The following HS6ST3 variants were observed in gnomAD, a reference collection of about 807,000 sequenced individuals.
The protein encoded by HS6ST3 is heparan-sulfate 6-O-sulfotransferase 3.
Under a neutral mutation model 36.7 loss-of-function variants are expected in HS6ST3, and 12 were observed. The observed-to-expected ratio is 0.33, with a 90% CI of 0.21 to 0.53. HS6ST3 has a LOEUF of 0.53. Ranked by LOEUF, HS6ST3 falls within the 20% of genes least tolerant of loss-of-function variation. The pLI, the probability that HS6ST3 is intolerant of heterozygous loss-of-function variation, is 0.95. For synonymous variants in HS6ST3, 240 were observed against 257.5 expected (o/e 0.93, Z 0.65); for missense variants, 584 against 640.9 (o/e 0.91, Z 0.96).
At chr13:96,300,991 C>T (rs1324440902) in intron 1 of HS6ST3, among the ~76,000 whole-genome samples, 3 of 152,120 alleles carry the variant, frequency 2.0e-5, no homozygotes, top group African/African-American at 4.8e-5. Context: ...CAATGATTCT[C>T]GTCTGTGATT....
At chr13:96,118,684 ATATATTTTTTT>A (rs2053909557) in intron 1 of HS6ST3, among the ~76,000 whole-genome samples, 1 of 22,302 alleles carries the variant, frequency 4.5e-5, no homozygotes, top group African/African-American at 2.0e-4. Context: ...ATATATATAT[ATATATTTTTTT>A]TTTTTTTTTT....
At chr13:96,321,341 C>G (rs1488848562) in intron 1 of HS6ST3, among the ~76,000 whole-genome samples, 1 of 152,150 alleles carries the variant, frequency 6.6e-6, no homozygotes, top group Non-Finnish European at 1.5e-5. Context: ...TTCTGGTGAT[C>G]TCATGATCTT....
chr13:96,782,192 C>T (rs980093321), intron 1 of HS6ST3, among the ~76,000 whole-genome samples: 2 of 152,132 alleles, frequency 1.3e-5, no homozygotes, highest in African/African-American at 4.8e-5. Flanking sequence ...AGAGGCTGCC[C>T]CCCATTTCCT....
At chr13:96,655,508 C>G (rs1367332034) in intron 1 of HS6ST3, among the ~76,000 whole-genome samples, 2 of 152,016 alleles carry the variant, frequency 1.3e-5, no homozygotes, top group Non-Finnish European at 1.5e-5. Flanking sequence ...TCATTTGTAT[C>G]TATCCTGAAA....
At chr13:96,300,420 G>A (rs1417736133) in intron 1 of HS6ST3, among the ~76,000 whole-genome samples, 6 of 152,102 alleles carry the variant, frequency 3.9e-5, no homozygotes. Context: ...ACAGCAAGGG[G>A]GAAATTCATG....
rs545180830 is a variant in HS6ST3, at chr13:96,417,045, C to T, written c.707+325476C>T. Among the ~76,000 whole-genome samples, 5 of 152,158 alleles carry T rather than the reference C, an allele frequency of 3.3e-5. No homozygotes were observed. The South Asian group carries it at 6.2e-4, about 19-fold the overall frequency. Reference sequence around the variant, plus strand: ...GATTACAGGCGTGAGCCACCGCGCCCGGCCGGCATGGGGTAACTTTTACGC... The same window carrying T: ...GATTACAGGCGTGAGCCACCGCGCCTGGCCGGCATGGGGTAACTTTTACGC... On this transcript the variant is annotated intron_variant, in intron 1 of 1. Transcript: ENST00000376705.
intron 1 of HS6ST3, among the ~76,000 whole-genome samples, chr13:96,323,991 C>T (rs1326874681): frequency 6.6e-6 from 1 of 152,122 alleles, no homozygotes; most frequent in African/African-American, 2.4e-5. Flanking sequence ...TAACCTACCT[C>T]TTCCCACAAA....
chr13:96,643,482 GC>G, intron 1 of HS6ST3, among the ~76,000 whole-genome samples: 1 of 151,870 alleles, frequency 6.6e-6, no homozygotes, highest in Non-Finnish European at 1.5e-5. Flanking sequence ...TTCCTTTTAA[GC>G]TTTTTGTTTA....
intron 1 of HS6ST3, among the ~76,000 whole-genome samples, chr13:96,391,937 A>C (rs1008146242): frequency 1.3e-5 from 2 of 152,232 alleles, no homozygotes; most frequent in East Asian, 3.8e-4. Context: ...GGAATGAAGA[A>C]AGACTGACAT....
chr13:96,537,046 T>C (rs1435875382), intron 1 of HS6ST3, among the ~76,000 whole-genome samples: 2 of 152,216 alleles, frequency 1.3e-5, no homozygotes, highest in East Asian at 1.9e-4. Flanking sequence ...TCTTGCTTCC[T>C]GTATTAGTCT....
chr13:96,695,758 C>A (rs939017649), intron 1 of HS6ST3, among the ~76,000 whole-genome samples: 1 of 151,962 alleles, frequency 6.6e-6, no homozygotes, highest in East Asian at 1.9e-4. Context: ...TTTGATATAG[C>A]AATTTCTCTT....
intron 1 of HS6ST3, among the ~76,000 whole-genome samples, chr13:96,377,324 G>C (rs540802431): frequency 6.6e-6 from 1 of 151,922 alleles, no homozygotes; most frequent in East Asian, 1.9e-4. Flanking sequence ...CTGCACTTCA[G>C]CCTGGGTGAC....
chr13:96,356,091 C>A (rs2055208711), intron 1 of HS6ST3, among the ~76,000 whole-genome samples: 1 of 152,142 alleles, frequency 6.6e-6, no homozygotes, highest in Non-Finnish European at 1.5e-5. Context: ...CAAGAGAACT[C>A]ATTTCATATG....
At chr13:96,126,684 T>C (rs1384540881) in intron 1 of HS6ST3, among the ~76,000 whole-genome samples, 1 of 152,208 alleles carries the variant, frequency 6.6e-6, no homozygotes, top group Admixed American at 6.5e-5. Flanking sequence ...TGTCTGTGAT[T>C]GGCTATCTCT....
At chr13:96,150,927 C>A (rs1016439223) in intron 1 of HS6ST3, among the ~76,000 whole-genome samples, 6 of 152,102 alleles carry the variant, frequency 3.9e-5, no homozygotes, top group African/African-American at 1.4e-4. Flanking sequence ...TGTCTATATT[C>A]TTAAGGGGAA....
At chr13:96,631,120 C>G (rs1447574755) in intron 1 of HS6ST3, among the ~76,000 whole-genome samples, 1 of 152,114 alleles carries the variant, frequency 6.6e-6, no homozygotes, top group South Asian at 2.1e-4. Context: ...CAGAACTAAA[C>G]AGTAGTCAAA....
chr13:96,659,680 A>T (rs2056639438), intron 1 of HS6ST3, among the ~76,000 whole-genome samples: 1 of 152,074 alleles, frequency 6.6e-6, no homozygotes, highest in Admixed American at 6.6e-5. Flanking sequence ...ATAGTATGAA[A>T]TAATGGGGCA....
chr13:96,815,104 TTTATTCTCTCA>T (rs1878393376), intron 1 of HS6ST3, among the ~76,000 whole-genome samples: 2 of 152,262 alleles, frequency 1.3e-5, no homozygotes, highest in South Asian at 4.1e-4. Context: ...TCAACAGCAG[TTTATTCTCTCA>T]TAGTTCTGGA....
chr13:96,140,469 A>G (rs2054026372), intron 1 of HS6ST3, among the ~76,000 whole-genome samples: 2 of 152,088 alleles, frequency 1.3e-5, no homozygotes, highest in Admixed American at 6.5e-5. Context: ...AACATTGTAA[A>G]CCTTGACTAA....
Sources: allele counts gnomAD v4.1 joint callset (sites outside exome capture counted in the v4.1 genomes callset), GRCh38; gene constraint gnomAD v4.1.1; transcripts MANE v1.5; gene names NCBI Gene and HGNC (gene_info 2026-07-23, HGNC 2026-07-21).